The following CCNL1 variants were observed in gnomAD, a reference collection of about 807,000 sequenced individuals.
CCNL1 encodes cyclin L1, also known as cyclin-L1.
Under a neutral mutation model 60.6 loss-of-function variants are expected in CCNL1, and 13 were observed. The ratio of observed to expected loss-of-function variants is 0.21; its 90% CI spans 0.14 to 0.34. CCNL1 has a LOEUF of 0.34. Among genes scored for constraint, CCNL1 ranks in the 10% least tolerant of loss-of-function variants. The pLI, the probability that CCNL1 is intolerant of heterozygous loss-of-function variation, is 1.00. For synonymous variants in CCNL1, 270 were observed against 244.3 expected, an observed-to-expected ratio of 1.10 and a Z score of -0.98; for missense variants, 481 against 664.3, an observed-to-expected ratio of 0.72 and a Z score of 3.03.
intron 4 of CCNL1, 45 bp from the exon 5 acceptor site, chr3:157,152,286 C>G: frequency 6.3e-7 from 1 of 1,584,206 alleles, no homozygotes. Flanking sequence ...ACTGGTAGTT[C>G]TTTCGGAGTA....
At chr3:157,152,450 G>A (rs1272120963) in intron 4 of CCNL1, 8 of 1,263,466 alleles carry the variant, frequency 6.3e-6, no homozygotes, top group South Asian at 4.6e-5. Context: ...TTTCAAAATT[G>A]TACAGGAAAA....
intron 3 of CCNL1, among the ~76,000 whole-genome samples, chr3:157,155,221 A>G (rs1738522522): frequency 6.6e-6 from 1 of 152,222 alleles, no homozygotes; most frequent in Non-Finnish European, 1.5e-5. Context: ...TAATTTTATG[A>G]AAACATAGTT....
intron 3 of CCNL1, among the ~76,000 whole-genome samples, chr3:157,155,733 G>A (rs137991474): frequency 2.0e-5 from 3 of 152,106 alleles, no homozygotes; most frequent in African/African-American, 7.2e-5. Context: ...AGTACCTTCT[G>A]TTGCAACAAG....
chr3:157,156,112 A>G (rs895343041), intron 3 of CCNL1, among the ~76,000 whole-genome samples: 2 of 152,344 alleles, frequency 1.3e-5, no homozygotes, highest in East Asian at 3.9e-4. Context: ...GGTTAGTTTC[A>G]TTTATGTGTT....
downstream of CCNL1, chr3:157,147,515 C>G: frequency 1.1e-6 from 1 of 909,200 alleles, no homozygotes; most frequent in South Asian, 5.1e-5. Context: ...AAATCTGACT[C>G]AAAATTACCT....
Position 157,153,122 on chromosome 3 carries a change from T to G in CCNL1, c.523A>C (p.Ile175Leu). The G allele has an allele frequency of 6.2e-7, 1 of 1,613,562 alleles. No homozygotes were observed. The highest frequency in any genetic ancestry group is 8.5e-7 in the Non-Finnish European group (1 of 1,179,636). ...PSPLILDQNYINTKNQVIKAE... is the reference protein window; with the variant it reads ...PSPLILDQNYLNTKNQVIKAE... ...TTGATAACTTGATTTTTGGTGTTAATGTAGTTCTGATCAAGGATCAGGGGG... is the reference window on the plus strand; with the variant it reads ...TTGATAACTTGATTTTTGGTGTTAAGGTAGTTCTGATCAAGGATCAGGGGG... Residue 175 changes from isoleucine (I) to leucine (L), a missense_variant, in exon 4 of 11, where the codon ATT (isoleucine) becomes CTT (leucine). By Grantham distance (5) the Ile-to-Leu change is conservative. This residue lies in a region of CCNL1 where 130 missense variants were observed against 174.5 expected (regional missense o/e 0.75). Transcript: ENST00000295926.
In CCNL1 at chr3:157,150,147, T is replaced by C. The variant is rs1357222504; in HGVS notation, c.797A>G (p.His266Arg). 6 of 1,612,268 alleles carry C rather than the reference T, an allele frequency of 3.7e-6. No homozygotes were observed. Among genetic ancestry groups the C allele is most frequent in the Non-Finnish European group, 5.1e-6 (6 of 1,179,584 alleles). The change falls in exon 7 of 11, where the codon CAT becomes CGT. Residue 266 changes from histidine (H) to arginine (R), a missense_variant. His to Arg is a conservative substitution (Grantham distance 29). Transcript: ENST00000295926. ...ALQIPLPTRP[H>R]WFLLFGTTEE... Reference sequence around the variant, plus strand: ...TGTAGTACCAAAAAGAAGAAACCAATGGGGACGAGTTGGCAACGGAATCTA... The same window carrying C: ...TGTAGTACCAAAAAGAAGAAACCAACGGGGACGAGTTGGCAACGGAATCTA...
At chr3:157,156,208 T>C (rs910222060) in intron 3 of CCNL1, among the ~76,000 whole-genome samples, 2 of 152,202 alleles carry the variant, frequency 1.3e-5, no homozygotes, top group African/African-American at 4.8e-5. Flanking sequence ...CCAAGCAATA[T>C]ACAAAAATTT....
Position 157,147,843 on chromosome 3 carries a change from C to T in CCNL1, c.*398G>A, listed in dbSNP as rs557823932. The T allele has an allele frequency of 9.1e-6, 9 of 989,678 alleles. No individual in the cohort carries two copies. In the South Asian group the frequency reaches 2.3e-4, roughly 26 times the overall value. 61.3% of individuals were successfully genotyped at this position (989,678 alleles called of 1,614,324 possible). A position where few individuals can be genotyped will look rare whatever the true frequency, so the allele number is the denominator to read the frequency against. ...TTTTATTTCCTTGTAAAAATCTTTA[C>T]ACATGCAGACAAACCAGTGTTAAGA... On this transcript the variant is annotated 3_prime_UTR_variant, in exon 11 of 11. Coordinates refer to ENST00000295926, the MANE Select transcript of CCNL1 (RefSeq NM_020307.4).
At chr3:157,149,194 T>G in intron 10 of CCNL1, 93 bp downstream of exon 10, 1 of 1,054,002 alleles carries the variant, frequency 9.5e-7, no homozygotes, top group Non-Finnish European at 1.4e-6. Context: ...CTAACCTAAC[T>G]TTGAAAATAA....
In CCNL1 at chr3:157,159,681, A is replaced by G. The variant is rs953960795; in HGVS notation, c.303+111T>C. ...GCCGCGGCTGGGCCCCGAACGGGAA[A>G]GCCTGAAGGAACCGTCCCCACCCTC... is the stretch of plus-strand genomic sequence containing the variant. On this transcript the variant is annotated intron_variant, in intron 1 of 10. Coordinates refer to ENST00000295926, the MANE Select transcript of CCNL1 (RefSeq NM_020307.4). The G allele has an allele frequency of 3.5e-6, 4 of 1,147,082 alleles. No individual in the cohort carries two copies. In the South Asian group the frequency reaches 4.8e-5, roughly 14 times the overall value. The allele number at this position is 1,147,082 out of a possible 1,614,324, so 71.1% of individuals were successfully genotyped here.
chr3:157,153,225 A>AT (rs1259498875), intron 3 of CCNL1, 69 bp from the exon 4 acceptor site: 2 of 1,524,004 alleles, frequency 1.3e-6, no homozygotes, highest in Non-Finnish European at 1.8e-6. Context: ...TGGCATCTCC[A>AT]TTTTCCCTTC....
At chr3:157,149,163 C>A in intron 10 of CCNL1, 124 bp downstream of exon 10, 1 of 685,752 alleles carries the variant, frequency 1.5e-6, no homozygotes, top group Non-Finnish European at 2.5e-6. Context: ...TCATAATTTG[C>A]CTCATACTAA....
chr3:157,149,720 C>A (rs1738024834), intron 8 of CCNL1, 116 bp downstream of exon 8: 3 of 1,463,648 alleles, frequency 2.0e-6, no homozygotes, highest in Middle Eastern at 4.3e-4. Flanking sequence ...CATGAGAGAA[C>A]ATAGCAGCAG....
chr3:157,149,234 T>A, intron 10 of CCNL1, 53 bp downstream of exon 10: 1 of 1,393,838 alleles, frequency 7.2e-7, no homozygotes, highest in South Asian at 1.2e-5. Context: ...GAAAAAGCAA[T>A]AACCTTTAAA....
intron 8 of CCNL1, 112 bp downstream of exon 8, chr3:157,149,724 G>A: frequency 4.1e-6 from 6 of 1,462,984 alleles, no homozygotes; most frequent in South Asian, 1.3e-5. Flanking sequence ...AGAGAACATA[G>A]CAGCAGTTTC....
downstream of CCNL1, chr3:157,146,402 C>T: frequency 2.9e-6 from 1 of 345,834 alleles, no homozygotes; most frequent in South Asian, 2.2e-5. Flanking sequence ...AACATACAAA[C>T]CTCATTCCAC....
intron 10 of CCNL1, 39 bp from the exon 11 acceptor site, chr3:157,148,628 A>G (rs376153963): frequency 1.8e-5 from 28 of 1,521,538 alleles, no homozygotes; most frequent in Middle Eastern, 1.8e-4. Flanking sequence ...TTCAGTTTCT[A>G]TGGGGAACAG....
chr3:157,157,131 TAC>T, intron 3 of CCNL1: 1 of 1,287,066 alleles, frequency 7.8e-7, no homozygotes, highest in Non-Finnish European at 1.0e-6. Context: ...TAATAACATA[TAC>T]AAGTTACGTG....
Sources: allele counts gnomAD v4.1 joint callset (sites outside exome capture counted in the v4.1 genomes callset), GRCh38; gene constraint gnomAD v4.1.1; regional missense constraint gnomAD v4.1.1; transcripts MANE v1.5; gene names NCBI Gene and HGNC (gene_info 2026-07-23, HGNC 2026-07-21).